The following CDK2AP2 variants were observed in gnomAD, a reference collection of about 807,000 sequenced individuals.
CDK2AP2 encodes the protein cyclin-dependent kinase 2-associated protein 2.
In CDK2AP2, 1 loss-of-function variant was observed where a neutral mutation model predicts 13.0. The ratio of observed to expected loss-of-function variants is 0.08; its 90% CI spans 0.03 to 0.37. The LOEUF is 0.37. CDK2AP2 is among the 10% of genes least tolerant of loss of function. CDK2AP2 has a pLI of 0.99. For missense variants in CDK2AP2, 129 were observed against 175.8 expected, an observed-to-expected ratio of 0.73 and a Z score of 1.50; for synonymous variants, 76 against 73.0, an observed-to-expected ratio of 1.04 and a Z score of -0.21.
chr11:67,507,983 G>A lies in CDK2AP2; in HGVS notation c.82+18C>T. On this transcript the variant is annotated intron_variant, in intron 1 of 3. Coordinates refer to ENST00000301488, the MANE Select transcript of CDK2AP2 (RefSeq NM_005851.5). ...TCGACCGCCCGGCAGGCGAGCAGGG[G>A]TGGAGCTGGATCCTCACCTGTAGGG... 1.3e-6 allele frequency: 2 copies of A among 1,549,548 alleles called. No individual in the cohort carries two copies. The highest frequency in any genetic ancestry group is 1.7e-6 in the Non-Finnish European group (2 of 1,146,702).
At position 67,508,065 on chromosome 11, in the gene CDK2AP2, G is replaced by T; in HGVS notation, c.18C>A (p.Ile6=). The T allele has an allele frequency of 2.6e-6, 4 of 1,510,292 alleles. No individual in the cohort carries two copies. Among genetic ancestry groups the T allele is most frequent in the African/African-American group, 2.8e-5 (2 of 70,636 alleles). The allele number at this position is 1,510,292 out of a possible 1,614,324, so 93.6% of individuals were successfully genotyped here. ...CAGGGGTGCTGCTGGGAGCAGGGGCGATGGGTTTGTAGGACATCCCCAACT... is the reference window on the plus strand; with the variant it reads ...CAGGGGTGCTGCTGGGAGCAGGGGCTATGGGTTTGTAGGACATCCCCAACT... The part of the protein sequence containing the change: MSYKP[I]APAPSSTPGS... Residue 6 remains isoleucine (I), a synonymous_variant, in exon 1 of 4, where the codon ATC becomes ATA. Coordinates refer to ENST00000301488, the MANE Select transcript of CDK2AP2 (RefSeq NM_005851.5).
At chr11:67,507,338 T>TG (rs1299927804) in intron 3 of CDK2AP2, 27 bp downstream of exon 3, 2 of 1,611,868 alleles carry the variant, frequency 1.2e-6, no homozygotes. Context: ...GTCGGTTTCC[T>TG]GAGCAGGGCG....
In CDK2AP2 at chr11:67,507,574, G is replaced by C. The variant is rs1866559800; in HGVS notation, c.180+18C>G. ...GACTCCAGTCCGCATCCATAAGCAA[G>C]GCTTTGGCCCCACTCACCTGCACGT... On this transcript the variant is annotated intron_variant, in intron 2 of 3. Coordinates refer to ENST00000301488, the MANE Select transcript of CDK2AP2 (RefSeq NM_005851.5). The C allele has an allele frequency of 1.2e-6, 2 of 1,613,580 alleles. No individual in the cohort carries two copies. Among genetic ancestry groups the C allele is most frequent in the East Asian group, 2.2e-5 (1 of 44,880 alleles).
Position 67,508,096 on chromosome 11 carries a change from G to C in CDK2AP2, c.-14C>G. 6.8e-7 allele frequency: 1 copy of C among 1,462,442 alleles called. No homozygotes were observed. Among genetic ancestry groups the C allele is most frequent in the Non-Finnish European group, 9.0e-7 (1 of 1,107,966 alleles). 90.6% of individuals were successfully genotyped at this position (1,462,442 alleles called of 1,614,324 possible). A position where few individuals can be genotyped will look rare whatever the true frequency, so the allele number is the denominator to read the frequency against. Reference sequence around the variant, plus strand: ...TTTGTAGGACATCCCCAACTCCTGGGCGCGGCGGACGCCAGCCGGCCGCTC... The same window carrying C: ...TTTGTAGGACATCCCCAACTCCTGGCCGCGGCGGACGCCAGCCGGCCGCTC... On this transcript the variant is annotated 5_prime_UTR_variant, in exon 1 of 4. Transcript: ENST00000301488.
At position 67,507,981 on chromosome 11, in the gene CDK2AP2, G is replaced by C. The variant is rs1413741878; in HGVS notation, c.82+20C>G. 31 of 1,549,374 alleles carry C rather than the reference G, an allele frequency of 2.0e-5. No homozygotes were observed. The highest frequency in any genetic ancestry group is 4.0e-5 in the Admixed American group (2 of 50,554). Reference sequence around the variant, plus strand: ...CCTCGACCGCCCGGCAGGCGAGCAGGGGTGGAGCTGGATCCTCACCTGTAG... The same window carrying C: ...CCTCGACCGCCCGGCAGGCGAGCAGCGGTGGAGCTGGATCCTCACCTGTAG... On this transcript the variant is annotated intron_variant, in intron 1 of 3. Transcript: ENST00000301488.
chr11:67,507,852 G>T (rs1366824448), intron 1 of CDK2AP2, 149 bp downstream of exon 1: 1 of 1,538,822 alleles, frequency 6.5e-7, no homozygotes, highest in East Asian at 2.4e-5. Context: ...CCACCTACAA[G>T]CCCTTACGTG....
At position 67,507,681 on chromosome 11, in the gene CDK2AP2, G is replaced by C; in HGVS notation, c.91C>G (p.Pro31Ala). ...PGTPVPTGSV[P>A]SPSGSVPGAG... ...CCTGGCACTGAGCCCGACGGCGACG[G>C]GACGCTTCCTGCAGCAACAGGCGCG... Residue 31 changes from proline (P) to alanine (A), a missense_variant, in exon 2 of 4, where the codon CCG (proline) becomes GCG (alanine). Pro to Ala is a conservative substitution (Grantham distance 27). Coordinates refer to ENST00000301488, the MANE Select transcript of CDK2AP2 (RefSeq NM_005851.5). The C allele has an allele frequency of 6.2e-7, 1 of 1,613,046 alleles. No individual in the cohort carries two copies. The highest frequency in any genetic ancestry group is 8.5e-7 in the Non-Finnish European group (1 of 1,179,972).
chr11:67,506,926 G>T lies in CDK2AP2; in HGVS notation c.*19C>A. ...CAGTGGCCGGATAGGTCCAGACGCT[G>T]AGGCCGAGGCGCTTCCTGTTACGTG... On this transcript the variant is annotated 3_prime_UTR_variant, in exon 4 of 4. Coordinates refer to ENST00000301488, the MANE Select transcript of CDK2AP2 (RefSeq NM_005851.5). The T allele has an allele frequency of 6.4e-7, 1 of 1,550,464 alleles. No homozygotes were observed. The highest frequency in any genetic ancestry group is 8.7e-7 in the Non-Finnish European group (1 of 1,145,894).
chr11:67,507,981 G>T lies in CDK2AP2; in HGVS notation c.82+20C>A. The T allele has an allele frequency of 6.5e-7, 1 of 1,549,492 alleles. No individual in the cohort carries two copies. Among genetic ancestry groups the T allele is most frequent in the Non-Finnish European group, 8.7e-7 (1 of 1,146,684 alleles). ...CCTCGACCGCCCGGCAGGCGAGCAG[G>T]GGTGGAGCTGGATCCTCACCTGTAG... On this transcript the variant is annotated intron_variant, in intron 1 of 3. Transcript: ENST00000301488.
At chr11:67,507,233 C>G (rs1174293742) in intron 3 of CDK2AP2, 132 bp downstream of exon 3, 8 of 1,106,126 alleles carry the variant, frequency 7.2e-6, no homozygotes, top group African/African-American at 1.6e-5. Context: ...CAATTCGATT[C>G]AAAACACCTC....
At position 67,507,658 on chromosome 11, in the gene CDK2AP2, T is replaced by G; in HGVS notation, c.114A>C (p.Pro38=). 1 of 1,613,248 alleles carries G rather than the reference T, an allele frequency of 6.2e-7. No homozygotes were observed. Among genetic ancestry groups the G allele is most frequent in the Non-Finnish European group, 8.5e-7 (1 of 1,180,004 alleles). The change falls in exon 2 of 4, where the codon CCA becomes CCC. Residue 38 remains proline (P), a synonymous_variant. Coordinates refer to ENST00000301488, the MANE Select transcript of CDK2AP2 (RefSeq NM_005851.5). ...GCGGTCTGAAAGGAGCGCCGGCTCC[T>G]GGCACTGAGCCCGACGGCGACGGGA... ...GSVPSPSGSV[P]GAGAPFRPLF...
chr11:67,506,928 G>C lies in CDK2AP2; in HGVS notation c.*17C>G. On this transcript the variant is annotated 3_prime_UTR_variant, in exon 4 of 4. Transcript: ENST00000301488. ...GTGGCCGGATAGGTCCAGACGCTGA[G>C]GCCGAGGCGCTTCCTGTTACGTGCG... 1 of 1,550,954 alleles carries C rather than the reference G, an allele frequency of 6.4e-7. No individual in the cohort carries two copies. Among genetic ancestry groups the C allele is most frequent in the Non-Finnish European group, 8.7e-7 (1 of 1,146,240 alleles).
At chr11:67,507,905 G>A (rs1473386546) in intron 1 of CDK2AP2, 96 bp downstream of exon 1, 9 of 1,545,848 alleles carry the variant, frequency 5.8e-6, no homozygotes, top group Non-Finnish European at 7.0e-6. Flanking sequence ...GCTCAGCGAG[G>A]GTAGGCGGCA....
Position 67,507,420 on chromosome 11 carries a change from T to C in CDK2AP2, c.258A>G (p.Lys86=). ...DLLSVIEEMG[K]EIRPTYAGSK... ...TGCCAGCATAGGTAGGCCGGATCTC[T>C]TTGCCCATCTCCTCTATGACTGACA... The change falls in exon 3 of 4, where the codon AAA becomes AAG. Residue 86 remains lysine, a synonymous_variant. Transcript: ENST00000301488. 3 of 1,613,724 alleles carry C rather than the reference T, an allele frequency of 1.9e-6. No homozygotes were observed. The highest frequency in any genetic ancestry group is 2.5e-6 in the Non-Finnish European group (3 of 1,180,026).
intron 3 of CDK2AP2, 168 bp from the exon 4 acceptor site, chr11:67,507,180 A>C: frequency 3.7e-6 from 3 of 821,560 alleles, no homozygotes; most frequent in Non-Finnish European, 5.8e-6. Flanking sequence ...TGCCCTGTTG[A>C]AATACAAATT....
intron 1 of CDK2AP2, 63 bp from the exon 2 acceptor site, chr11:67,507,752 C>A (rs1866564989): frequency 5.7e-6 from 9 of 1,591,402 alleles, no homozygotes; most frequent in Non-Finnish European, 7.7e-6. Context: ...CCAGCTTTTC[C>A]AAGCCCAGGA....
intron 3 of CDK2AP2, 154 bp downstream of exon 3, chr11:67,507,211 T>C: frequency 1.6e-5 from 15 of 945,902 alleles, no homozygotes; most frequent in South Asian, 9.4e-5. Flanking sequence ...TCCCTGGAAA[T>C]GGACTCAATT....
chr11:67,507,148 A>G (rs1866550411), intron 3 of CDK2AP2, 136 bp from the exon 4 acceptor site: 2 of 816,190 alleles, frequency 2.5e-6, no homozygotes, highest in African/African-American at 1.7e-5. Flanking sequence ...ATGAAATTAG[A>G]GGTTTGGTTA....
rs890033667 is a variant in CDK2AP2, at chr11:67,506,624, G to C, written c.*321C>G. On this transcript the variant is annotated 3_prime_UTR_variant, in exon 4 of 4. Coordinates refer to ENST00000301488, the MANE Select transcript of CDK2AP2 (RefSeq NM_005851.5). ...GAGGTGCCAGGCCTGTGCCCCTGCT[G>C]GGGGAGAAGGAGGCTCGGGACAAAG... 1 of 438,884 alleles carries C rather than the reference G, an allele frequency of 2.3e-6. No homozygotes were observed. The highest frequency in any genetic ancestry group is 4.1e-6 in the Non-Finnish European group (1 of 242,944). The allele number at this position is 438,884 out of a possible 1,614,324, so 27.2% of individuals were successfully genotyped here.
Sources: gnomAD v4.1 joint callset for allele counts on GRCh38, gnomAD v4.1.1 for gene constraint, MANE v1.5 for transcripts, NCBI Gene and HGNC (gene_info 2026-07-23, HGNC 2026-07-21) for gene names.